Variants in AGTPBP1 observed in about 807,000 individuals in gnomAD.
AGTPBP1 encodes the protein cytosolic carboxypeptidase 1.
A neutral mutation model predicts 143.9 loss-of-function variants in AGTPBP1; 70 were observed. That is an observed-to-expected ratio of 0.49 (90% CI 0.40 to 0.59). The LOEUF (loss-of-function observed/expected upper bound fraction) is 0.59. Ranked by LOEUF, AGTPBP1 falls within the 20% of genes least tolerant of loss-of-function variation. The pLI is 0.00. For missense variants in AGTPBP1, 1,229 were observed against 1,464.5 expected, an observed-to-expected ratio of 0.84 and a Z score of 2.62; for synonymous variants, 463 against 500.2, an observed-to-expected ratio of 0.93 and a Z score of 0.99.
At chr9:85,800,807 T>TTG in the AGTPBP1 span, among the ~76,000 whole-genome samples, 74,065 of 144,440 alleles carry the variant, frequency 0.51, 19,354 homozygotes, top group East Asian at 0.8. Context: ...TTTAGAATGG[T>TTG]TGTGTGTGTG....
rs1330152448 is a variant in AGTPBP1 at position 85,682,473 on chromosome 9, T to A, written c.158-1138A>T. Among the ~76,000 whole-genome samples the A allele has an allele frequency of 2.6e-5, 4 of 152,212 alleles. No individual in the cohort carries two copies. In the East Asian group the frequency reaches 7.7e-4, roughly 29 times the overall value. ...AGTGAAAAGACCAGGTCATCACTTGTGTTTCTGAACCCAAAACTTATAGTC... is the reference window on the plus strand; with the variant it reads ...AGTGAAAAGACCAGGTCATCACTTGAGTTTCTGAACCCAAAACTTATAGTC... On this transcript the variant is annotated intron_variant, in intron 3 of 25. Transcript: ENST00000357081.
chr9:85,755,163 T>A, the AGTPBP1 span, among the ~76,000 whole-genome samples: 1 of 152,160 alleles, frequency 6.6e-6, no homozygotes, highest in Non-Finnish European at 1.5e-5. Flanking sequence ...GCTCTCTTTT[T>A]CTCATATATA....
At chr9:85,632,368 TTAAA>T (rs1831734751) in intron 14 of AGTPBP1, among the ~76,000 whole-genome samples, 1 of 152,220 alleles carries the variant, frequency 6.6e-6, no homozygotes, top group Admixed American at 6.5e-5. Flanking sequence ...TCAAAGATTA[TTAAA>T]TAATCTGTTT....
intron 18 of AGTPBP1, among the ~76,000 whole-genome samples, chr9:85,595,675 C>T (rs751042021): frequency 2.6e-5 from 4 of 151,958 alleles, no homozygotes; most frequent in South Asian, 2.1e-4. Flanking sequence ...TACAGGTGTG[C>T]GCCACAATGC....
chr9:85,581,375 T>G (rs1200715697), intron 23 of AGTPBP1, among the ~76,000 whole-genome samples: 1 of 152,218 alleles, frequency 6.6e-6, no homozygotes, highest in Non-Finnish European at 1.5e-5. Flanking sequence ...GACTTATTTG[T>G]ACAGTAGCAA....
At chr9:85,671,352 T>C (rs1252724208) in intron 7 of AGTPBP1, among the ~76,000 whole-genome samples, 2 of 152,322 alleles carry the variant, frequency 1.3e-5, no homozygotes, top group East Asian at 3.9e-4. Context: ...TTGACTTTAC[T>C]GGTGTTTATT....
intron 14 of AGTPBP1, among the ~76,000 whole-genome samples, chr9:85,628,887 T>C (rs1037699373): frequency 6.6e-6 from 1 of 151,952 alleles, no homozygotes; most frequent in African/African-American, 2.4e-5. Context: ...AGCTAATTTT[T>C]TGTATTTTTA....
intron 3 of AGTPBP1, among the ~76,000 whole-genome samples, chr9:85,682,234 C>T (rs867056286): frequency 2.8e-5 from 4 of 145,180 alleles, no homozygotes; most frequent in East Asian, 2.1e-4. Context: ...GTTTCTAGAG[C>T]TTCTCCACAA....
chr9:85,681,456 G>T, intron 3 of AGTPBP1, 121 bp from the exon 4 acceptor site: 1 of 740,026 alleles, frequency 1.4e-6, no homozygotes, highest in East Asian at 2.8e-5. Flanking sequence ...ACTCTAACTT[G>T]GTTCACAGAC....
chr9:85,788,408 CAT>C, the AGTPBP1 span, among the ~76,000 whole-genome samples: 22 of 146,350 alleles, frequency 1.5e-4, no homozygotes, highest in Middle Eastern at 3.6e-3. Flanking sequence ...ATATATATTT[CAT>C]ATATATATAT....
At chr9:85,741,630 T>C (rs1824289090) in intron 1 of AGTPBP1, 145 bp downstream of exon 1, 2 of 1,241,232 alleles carry the variant, frequency 1.6e-6, no homozygotes, top group Non-Finnish European at 2.0e-6. Context: ...ATGTGTAACA[T>C]GCGTTACACA....
chr9:85,673,068 T>C (rs188753049), intron 6 of AGTPBP1, among the ~76,000 whole-genome samples: 19 of 152,310 alleles, frequency 1.2e-4, no homozygotes, highest in Middle Eastern at 3.4e-3. Flanking sequence ...GATGATATTA[T>C]AAATCAGTGA....
chr9:85,614,919 C>T (rs1830518444), intron 17 of AGTPBP1, among the ~76,000 whole-genome samples: 1 of 152,072 alleles, frequency 6.6e-6, no homozygotes, highest in Non-Finnish European at 1.5e-5. Context: ...TTTTACTAAC[C>T]TGACCATTGT....
intron 13 of AGTPBP1, among the ~76,000 whole-genome samples, chr9:85,635,830 GAA>G (rs879908304): frequency 7.6e-6 from 1 of 130,914 alleles, no homozygotes; most frequent in Non-Finnish European, 1.7e-5. Context: ...CACCACAAAA[GAA>G]AAAAAAAAAA....
At chr9:85,653,922 A>G (rs772946769) in intron 11 of AGTPBP1, among the ~76,000 whole-genome samples, 2 of 152,218 alleles carry the variant, frequency 1.3e-5, no homozygotes, top group Non-Finnish European at 2.9e-5. Context: ...TTTCTTACTC[A>G]TAAGTCCTAG....
chr9:85,796,053 A>G, the AGTPBP1 span, among the ~76,000 whole-genome samples: 2 of 151,884 alleles, frequency 1.3e-5, no homozygotes, highest in Non-Finnish European at 2.9e-5. Context: ...ATGAGAATGG[A>G]TAATTGAGGT....
chr9:85,739,306 GAC>G (rs575584119), intron 1 of AGTPBP1, among the ~76,000 whole-genome samples: 4 of 152,206 alleles, frequency 2.6e-5, no homozygotes, highest in Non-Finnish European at 5.9e-5. Flanking sequence ...ATGGCCCTCT[GAC>G]AGGTGCATCC....
intron 11 of AGTPBP1, among the ~76,000 whole-genome samples, chr9:85,649,578 A>G (rs1833024973): frequency 6.6e-6 from 1 of 152,060 alleles, no homozygotes; most frequent in African/African-American, 2.4e-5. Context: ...TCCCTATCTT[A>G]CTGATTTAGC....
chr9:85,712,458 T>TATATATCATACATACTGATATA (rs1837440982), intron 2 of AGTPBP1, 44 bp downstream of exon 2: 6 of 1,070,634 alleles, frequency 5.6e-6, no homozygotes, highest in Non-Finnish European at 8.0e-6. Flanking sequence ...CTGTCATACA[T>TATATATCATACATACTGATATA]TATTTCTGTA....
Sources: gnomAD v4.1 joint callset for allele counts (sites outside exome capture counted in the v4.1 genomes callset) on GRCh38, gnomAD v4.1.1 for gene constraint, MANE v1.5 for transcripts, NCBI Gene and HGNC (gene_info 2026-07-23, HGNC 2026-07-21) for gene names.